The following SRRM2 variants were observed in gnomAD, a reference collection of about 807,000 sequenced individuals.
SRRM2 encodes the protein serine/arginine repetitive matrix 2.
Under a neutral mutation model 213.8 loss-of-function variants are expected in SRRM2, and 30 were observed. That is an observed-to-expected ratio of 0.14 (90% CI 0.10 to 0.19). The LOEUF (loss-of-function observed/expected upper bound fraction) is 0.19. SRRM2 is among the 10% of genes least tolerant of loss of function. The pLI is 1.00. For missense variants in SRRM2, 4,904 were observed against 3,647.0 expected (o/e 1.34, Z -8.88); for synonymous variants, 2,025 against 1,377.7 (o/e 1.47, Z -10.40).
chr16:2,765,030 C>T lies in SRRM2; in HGVS notation c.4502C>T (p.Ser1501Leu). 1.2e-6 allele frequency: 2 copies of T among 1,614,050 alleles called. No individual in the cohort carries two copies. The highest frequency in any genetic ancestry group is 1.7e-6 in the Non-Finnish European group (2 of 1,180,044). ...CCTAGGCCGAGGAGTCGTTCTCCAT[C>T]ATCCCCAGAGCTCAACAACAAGTGT... ...QTPRPRSRSP[S>L]SPELNNKCLT... The change falls in exon 11 of 15, where the codon TCA (serine) becomes TTA (leucine). Residue 1501 changes from serine to leucine, a missense_variant. Physicochemically the swap from Ser to Leu is moderately radical, Grantham distance 145. Coordinates refer to ENST00000301740, the MANE Select transcript of SRRM2 (RefSeq NM_016333.4).
At position 2,764,869 on chromosome 16, in the gene SRRM2, T is replaced by C. The variant is rs1285859916; in HGVS notation, c.4341T>C (p.Leu1447=). ...RRSRSGSSPG[L]RDGSGTPSRH... ...GCAGGTCTGGGTCTTCTCCAGGACT[T>C]AGAGATGGGTCTGGGACTCCCTCGA... Residue 1447 remains leucine (L), a synonymous_variant, in exon 11 of 15, where the codon CTT becomes CTC. Coordinates refer to ENST00000301740, the MANE Select transcript of SRRM2 (RefSeq NM_016333.4). 3.7e-6 allele frequency: 6 copies of C among 1,614,052 alleles called. No homozygotes were observed. Among genetic ancestry groups the C allele is most frequent in the Non-Finnish European group, 5.1e-6 (6 of 1,180,024 alleles).
rs2068437988 is a variant in SRRM2, at chr16:2,763,550, A to T, written c.3022A>T (p.Ser1008Cys). The T allele has an allele frequency of 2.5e-6, 4 of 1,614,066 alleles. No individual in the cohort carries two copies. The highest frequency in any genetic ancestry group is 2.2e-5 in the South Asian group (2 of 91,088). Residue 1008 changes from serine (S) to cysteine (C), a missense_variant, in exon 11 of 15, where the codon AGT (serine) becomes TGT (cysteine). Coordinates refer to ENST00000301740, the MANE Select transcript of SRRM2 (RefSeq NM_016333.4). ...KVKAQTPPGP[S>C]LSGSKSPCPQ... ...AAAGGCCCAAACTCCACCGGGGCCA[A>T]GTCTTTCTGGATCAAAGTCACCATG...
chr16:2,770,491 C>G (rs2068704321), intron 13 of SRRM2, 26 bp downstream of exon 13: 1 of 1,587,540 alleles, frequency 6.3e-7, no homozygotes, highest in African/African-American at 1.3e-5. Context: ...GGTGTCAGCA[C>G]CCAGCCTGTC....
intron 9 of SRRM2, chr16:2,759,914 G>T: frequency 3.7e-6 from 2 of 545,926 alleles, no homozygotes; most frequent in Admixed American, 3.3e-5. Flanking sequence ...AGAATAGGGG[G>T]GGTGGTGGTT....
chr16:2,767,996 C>A lies in SRRM2; in HGVS notation c.7468C>A (p.His2490Asn). 3.1e-6 allele frequency: 5 copies of A among 1,614,190 alleles called. No homozygotes were observed. In the South Asian group the frequency reaches 4.4e-5, roughly 14 times the overall value. The stretch of plus-strand genomic sequence containing the variant: ...AACGACCACGTCCTCTGCTGGTGAT[C>A]ACAATGGCATGCTCTCTGTCCCTGC... ...VATTTSSAGD[H>N]NGMLSVPAPG... The change falls in exon 11 of 15, where the codon CAC becomes AAC. Residue 2490 changes from histidine to asparagine, a missense_variant. Transcript: ENST00000301740.
chr16:2,760,158 A>G, intron 9 of SRRM2, 143 bp from the exon 10 acceptor site: 4 of 758,642 alleles, frequency 5.3e-6, no homozygotes, highest in Non-Finnish European at 8.6e-6. Flanking sequence ...CATTTCAGTG[A>G]ATGATTTGAG....
rs2068271039 is a variant in SRRM2, at chr16:2,759,674, C to T, written c.833+13C>T. The T allele has an allele frequency of 1.2e-6, 2 of 1,609,364 alleles. No homozygotes were observed. The highest frequency in any genetic ancestry group is 1.1e-5 in the South Asian group (1 of 90,960). On this transcript the variant is annotated intron_variant, in intron 9 of 14. Transcript: ENST00000301740. ...CTTCCCGCAGTCGGTAAGGGGTAGT[C>T]CAGGAGGAAGGGAGGGAGAGGGAAT...
At position 2,770,584 on chromosome 16, in the gene SRRM2, A is replaced by T; in HGVS notation, c.8136-20A>T. 1 of 1,552,628 alleles carries T rather than the reference A, an allele frequency of 6.4e-7. No individual in the cohort carries two copies. The highest frequency in any genetic ancestry group is 8.7e-7 in the Non-Finnish European group (1 of 1,147,606). ...TGAGGTGGTGCCACCCTGTGGCCTG[A>T]TGTCTGTCCTGTGTTGCAGCAGCAG... On this transcript the variant is annotated intron_variant, in intron 13 of 14. Transcript: ENST00000301740.
rs765172561 is a variant in SRRM2 at position 2,761,717 on chromosome 16, G to C, written c.1189G>C (p.Ala397Pro). The change falls in exon 11 of 15, where the codon GCC becomes CCC. Residue 397 changes from alanine to proline, a missense_variant. Physicochemically the swap from Ala to Pro is conservative, Grantham distance 27. Coordinates refer to ENST00000301740, the MANE Select transcript of SRRM2 (RefSeq NM_016333.4). ...GGAGCCAGTGAACCCCCCATCTGAG[G>C]CCTCTCCAACTCGGGACCGTTCACC... ...SQEPVNPPSEASPTRDRSPPK... is the reference protein window; with the variant it reads ...SQEPVNPPSEPSPTRDRSPPK... 7 of 1,607,092 alleles carry C rather than the reference G, an allele frequency of 4.4e-6. No individual in the cohort carries two copies. Among genetic ancestry groups the C allele is most frequent in the African/African-American group, 1.3e-5 (1 of 74,514 alleles).
chr16:2,754,159 TTCTGTGTCTTAACACACCCCTTAG>T (rs1339089148), intron 1 of SRRM2, among the ~76,000 whole-genome samples: 2 of 152,106 alleles, frequency 1.3e-5, no homozygotes, highest in Admixed American at 6.5e-5. Context: ...TCTTCCTACT[TTCTGTGTCTTAACACACCCCTTAG>T]ATGCCGTGGG....
At position 2,762,335 on chromosome 16, in the gene SRRM2, A is replaced by T; in HGVS notation, c.1807A>T (p.Arg603Trp). 6.2e-7 allele frequency: 1 copy of T among 1,614,032 alleles called. No individual in the cohort carries two copies. Residue 603 changes from arginine (R) to tryptophan (W), a missense_variant, in exon 11 of 15, where the codon AGG (arginine) becomes TGG (tryptophan). Physicochemically the swap from Arg to Trp is moderately radical, Grantham distance 101 (BLOSUM62 -3). Transcript: ENST00000301740. ...RSRSRTPTRR[R>W]SRSRTPARRG... ...ACGATCCAGAACTCCCACCAGGCGT[A>T]GGTCTCGGTCTAGAACACCAGCCCG...
Position 2,762,634 on chromosome 16 carries a change from C to A in SRRM2, c.2106C>A (p.Ser702=), listed in dbSNP as rs551794563. ...CTAGGACACCAAGACGAGGAAGATC[C>A]CGCAGTAGAAGCTTAGTTAGACGTG... ...SRSRTPRRGR[S]RSRSLVRRGR... is the part of the protein sequence containing the mutation. Residue 702 remains serine (S), a synonymous_variant, in exon 11 of 15, where the codon TCC becomes TCA. Coordinates refer to ENST00000301740, the MANE Select transcript of SRRM2 (RefSeq NM_016333.4). The A allele has an allele frequency of 2.5e-6, 4 of 1,613,988 alleles. No homozygotes were observed. Among genetic ancestry groups the A allele is most frequent in the Non-Finnish European group, 3.4e-6 (4 of 1,180,034 alleles).
In SRRM2 at chr16:2,764,036, T is replaced by C; in HGVS notation, c.3508T>C (p.Leu1170=). Residue 1170 remains leucine, a synonymous_variant, in exon 11 of 15, where the codon TTA becomes CTA. Transcript: ENST00000301740. ...TGCTGAATCAAAAGAGAAAATGGCCTTACCCCCTCAGGAGGATGCTACTGC... is the reference window on the plus strand; with the variant it reads ...TGCTGAATCAAAAGAGAAAATGGCCCTACCCCCTCAGGAGGATGCTACTGC... ...ETAESKEKMA[L]PPQEDATASP... The C allele has an allele frequency of 6.2e-7, 1 of 1,614,144 alleles. No homozygotes were observed. Among genetic ancestry groups the C allele is most frequent in the South Asian group, 1.1e-5 (1 of 91,082 alleles).
rs552031670 is a variant in SRRM2, at chr16:2,756,321, C to T, written c.-31-13C>T. ...GCCAGGGGCCTGACCCGTGTCTCCC[C>T]GCTCCCCCTCAGGAGCGGTGGTGCC... On this transcript the variant is annotated splice_polypyrimidine_tract_variant and intron_variant, in intron 1 of 14. Coordinates refer to ENST00000301740, the MANE Select transcript of SRRM2 (RefSeq NM_016333.4). 4.5e-5 allele frequency: 69 copies of T among 1,540,120 alleles called. 1 individual carries two copies. In the South Asian group the frequency reaches 4.8e-4, roughly 11 times the overall value.
At position 2,765,796 on chromosome 16, in the gene SRRM2, C is replaced by T. The variant is rs757012947; in HGVS notation, c.5268C>T (p.Thr1756=). The change falls in exon 11 of 15, where the codon ACC becomes ACT. Residue 1756 remains threonine (T), a synonymous_variant. Coordinates refer to ENST00000301740, the MANE Select transcript of SRRM2 (RefSeq NM_016333.4). ...CTTCATCTCCACGCACTAAGACAACCTCAAGGAGAGGCCGCTCTCCTTCGC... is the reference window on the plus strand; with the variant it reads ...CTTCATCTCCACGCACTAAGACAACTTCAAGGAGAGGCCGCTCTCCTTCGC... ...RSASSPRTKT[T]SRRGRSPSPK... The T allele has an allele frequency of 1.9e-5, 30 of 1,614,010 alleles. No individual in the cohort carries two copies. Among genetic ancestry groups the T allele is most frequent in the Non-Finnish European group, 2.2e-5 (26 of 1,180,052 alleles).
chr16:2,769,630 T>G (rs981913760), intron 12 of SRRM2: 2 of 581,676 alleles, frequency 3.4e-6, no homozygotes, highest in Non-Finnish European at 6.5e-6. Flanking sequence ...GTCCACAGCC[T>G]CCTCCCTGTC....
Position 2,757,579 on chromosome 16 carries a change from C to T in SRRM2, c.350C>T (p.Ala117Val), listed in dbSNP as rs754721447. Residue 117 changes from alanine to valine, a missense_variant and splice_region_variant, in exon 3 of 15, where the codon GCG (alanine) becomes GTG (valine). Coordinates refer to ENST00000301740, the MANE Select transcript of SRRM2 (RefSeq NM_016333.4). ...GKEETPGQRPAVTETHQLAEL... is the reference protein window; with the variant it reads ...GKEETPGQRPVVTETHQLAEL... ...GAGGAGACCCCAGGGCAGAGGCCAG[C>T]GTGAGTGTTGCGCTCTCCCTCGATG... is the stretch of plus-strand genomic sequence containing the variant. 3.9e-5 allele frequency: 63 copies of T among 1,612,618 alleles called. No homozygotes were observed. Among genetic ancestry groups the T allele is most frequent in the Middle Eastern group, 1.7e-4 (1 of 6,044 alleles).
At position 2,767,571 on chromosome 16, in the gene SRRM2, C is replaced by A. The variant is rs367976563; in HGVS notation, c.7043C>A (p.Ala2348Asp). ...GGTCCTCGGTCTGCACATGCCACAG[C>A]TCCTGTGAATATTGCCGGCTCCAGA... ...LVGPRSAHAT[A>D]PVNIAGSRTA... is the part of the protein sequence containing the mutation. The change falls in exon 11 of 15, where the codon GCT becomes GAT. Residue 2348 changes from alanine (A) to aspartate (D), a missense_variant. Physicochemically the swap from Ala to Asp is moderately radical, Grantham distance 126. Transcript: ENST00000301740. The A allele has an allele frequency of 6.2e-7, 1 of 1,614,250 alleles. No homozygotes were observed. The highest frequency in any genetic ancestry group is 1.7e-5 in the Admixed American group (1 of 60,032).
At chr16:2,769,421 C>T (rs1490861443) in intron 12 of SRRM2, 137 bp downstream of exon 12, 18 of 991,736 alleles carry the variant, frequency 1.8e-5, no homozygotes, top group South Asian at 9.5e-5. Flanking sequence ...GGCACTTGCT[C>T]TCCTCTCCCC....
Sources: gnomAD v4.1 joint callset for allele counts (sites outside exome capture counted in the v4.1 genomes callset) on GRCh38, gnomAD v4.1.1 for gene constraint, MANE v1.5 for transcripts, NCBI Gene and HGNC (gene_info 2026-07-23, HGNC 2026-07-21) for gene names.